The following FANCB variants were observed in gnomAD, a reference collection of about 807,000 sequenced individuals.
FANCB encodes FA complementation group B.
Under a neutral mutation model 38.9 loss-of-function variants are expected in FANCB, and 5 were observed. The ratio of observed to expected loss-of-function variants is 0.13; its 90% CI spans 0.07 to 0.27. The LOEUF is 0.27. FANCB is among the 10% of genes least tolerant of loss of function. The pLI, the probability that FANCB is intolerant of heterozygous loss-of-function variation, is 1.00. For synonymous variants in FANCB, 236 were observed against 215.4 expected (o/e 1.10, Z -0.84); for missense variants, 573 against 602.7 (o/e 0.95, Z 0.52).
At chrX:14,777,472 A>G in the FANCB span, among the ~76,000 whole-genome samples, 961 of 112,470 alleles carry the variant, frequency 8.5e-3, 29 homozygotes, top group Admixed American at 0.077. Context: ...CCAAATAGAT[A>G]AATATTCAGT....
At chrX:14,822,333 G>C in the FANCB span, among the ~76,000 whole-genome samples, 2 of 109,915 alleles carry the variant, frequency 1.8e-5, no homozygotes, top group African/African-American at 6.6e-5. Flanking sequence ...GGGGAAAATG[G>C]AACAGGGCTG....
At chrX:14,855,754 G>C (rs1040818123) in intron 5 of FANCB, among the ~76,000 whole-genome samples, 12 of 111,788 alleles carry the variant, frequency 1.1e-4, no homozygotes, top group Non-Finnish European at 2.1e-4. Flanking sequence ...GATTTATGAG[G>C]GCTAGGATGA....
At chrX:14,871,671 AAAAAT>A (rs781149242) in intron 1 of FANCB, among the ~76,000 whole-genome samples, 2 of 111,054 alleles carry the variant, frequency 1.8e-5, no homozygotes, top group Non-Finnish European at 3.8e-5. Context: ...GTTAAATTTC[AAAAAT>A]AAAATGAATT....
chrX:14,789,653 T>C, the FANCB span, among the ~76,000 whole-genome samples: 1 of 112,006 alleles, frequency 8.9e-6, no homozygotes, highest in African/African-American at 3.2e-5. Flanking sequence ...GGAAATGGCT[T>C]GGATTAAGTC....
chrX:14,715,936 G>T, the FANCB span, among the ~76,000 whole-genome samples: 3 of 111,710 alleles, frequency 2.7e-5, no homozygotes, highest in East Asian at 8.4e-4. Flanking sequence ...GCGTAGCACA[G>T]TGCAAAATTA....
At chrX:14,745,858 A>C in the FANCB span, among the ~76,000 whole-genome samples, 2 of 107,230 alleles carry the variant, frequency 1.9e-5, no homozygotes, top group Admixed American at 1.0e-4. Context: ...CACCACCATG[A>C]CCGGCTAATT....
the FANCB span, among the ~76,000 whole-genome samples, chrX:14,814,648 A>G: frequency 9.8e-5 from 11 of 112,393 alleles, no homozygotes; most frequent in South Asian, 2.2e-3. Context: ...TTAGAATGGC[A>G]ATCATTAAAA....
chrX:14,864,843 A>G lies in FANCB; in HGVS notation c.668T>C (p.Leu223Ser). The change falls in exon 3 of 10, where the codon TTA becomes TCA. Residue 223 changes from leucine to serine, a missense_variant. Physicochemically the swap from Leu to Ser is moderately radical, Grantham distance 145 (BLOSUM62 -2). Coordinates refer to ENST00000650831, the MANE Select transcript of FANCB (RefSeq NM_001018113.3). ...CVYSLESQEVLSDIYIIPPAY... is the reference protein window; with the variant it reads ...CVYSLESQEVSSDIYIIPPAY... ...AGGAGGAATAATGTATATATCACTTAATACTTCTTGACTTTCAAGAGAATA... is the reference window on the plus strand; with the variant it reads ...AGGAGGAATAATGTATATATCACTTGATACTTCTTGACTTTCAAGAGAATA... 8.3e-7 allele frequency: 1 copy of G among 1,209,886 alleles called. No homozygotes were observed.
chrX:14,714,685 A>ATG, the FANCB span, among the ~76,000 whole-genome samples: 1 of 112,375 alleles, frequency 8.9e-6, no homozygotes, highest in Non-Finnish European at 1.9e-5. Flanking sequence ...TTTTAAATGC[A>ATG]TGAGGCTTGT....
chrX:14,848,742 A>G (rs1241093826), intron 7 of FANCB, among the ~76,000 whole-genome samples: 2 of 112,046 alleles, frequency 1.8e-5, no homozygotes, highest in African/African-American at 6.5e-5. Context: ...CTGTACTTCT[A>G]CATACAAATG....
rs1426803945 is a variant in FANCB at position 14,873,003 on chromosome X, A to C, written c.-209T>G. 3.3e-5 allele frequency: 4 copies of C among 121,396 alleles called. No homozygotes were observed. The highest frequency in any genetic ancestry group is 5.1e-5 in the Non-Finnish European group (3 of 58,615). The allele number at this position is 121,396 out of a possible 1,213,427, so 10.0% of individuals were successfully genotyped here. A position where few individuals can be genotyped will look rare whatever the true frequency, so the allele number is the denominator to read the frequency against. ...CATCCTACCTCAACGCAGCGGCAACATACCGGAGGCCCCACGTCGATACGG... is the reference window on the plus strand; with the variant it reads ...CATCCTACCTCAACGCAGCGGCAACCTACCGGAGGCCCCACGTCGATACGG... On this transcript the variant is annotated 5_prime_UTR_variant, in exon 1 of 10. The change abolishes an upstream ATG in the 5' untranslated region. Transcript: ENST00000650831.
At chrX:14,792,708 A>AAG in the FANCB span, among the ~76,000 whole-genome samples, 2 of 111,758 alleles carry the variant, frequency 1.8e-5, no homozygotes, top group Non-Finnish European at 3.8e-5. Context: ...CCTTTTTCTA[A>AAG]CACACTTTCT....
chrX:14,730,459 C>T, the FANCB span: 1 of 1,206,942 alleles, frequency 8.3e-7, no homozygotes, highest in South Asian at 1.8e-5. Flanking sequence ...CAAGATCATT[C>T]GGCATGAAGA....
the FANCB span, among the ~76,000 whole-genome samples, chrX:14,807,227 C>G: frequency 4.5e-5 from 5 of 112,221 alleles, no homozygotes; most frequent in South Asian, 3.6e-4. Context: ...AAGTGTATTT[C>G]CAAAGCCTAA....
chrX:14,799,858 T>C, the FANCB span, among the ~76,000 whole-genome samples: 1 of 112,252 alleles, frequency 8.9e-6, no homozygotes, highest in Non-Finnish European at 1.9e-5. Flanking sequence ...TATTCTAGTG[T>C]TTTTTGGGAA....
chrX:14,827,619 A>T, the FANCB span, among the ~76,000 whole-genome samples: 6 of 112,176 alleles, frequency 5.3e-5, no homozygotes, highest in African/African-American at 1.9e-4. Flanking sequence ...ATCTGAGGGT[A>T]AAGAACGAAG....
the FANCB span, among the ~76,000 whole-genome samples, chrX:14,828,547 G>A: frequency 7.2e-5 from 8 of 111,696 alleles, no homozygotes; most frequent in East Asian, 1.7e-3. Flanking sequence ...ATTCAAGGTT[G>A]ATCATGAGAT....
chrX:14,805,027 G>A, the FANCB span, among the ~76,000 whole-genome samples: 3 of 111,808 alleles, frequency 2.7e-5, no homozygotes, highest in African/African-American at 9.8e-5. Context: ...TACCACCCAA[G>A]CTCCAGTCCT....
At chrX:14,764,699 A>G in the FANCB span, among the ~76,000 whole-genome samples, 359 of 111,323 alleles carry the variant, frequency 3.2e-3, 1 homozygote, top group African/African-American at 0.011. Context: ...GTGGGAGCCA[A>G]CCTCCATGAT....
Sources: allele counts gnomAD v4.1 joint callset (sites outside exome capture counted in the v4.1 genomes callset), GRCh38; gene constraint gnomAD v4.1.1; transcripts MANE v1.5; gene names NCBI Gene and HGNC (gene_info 2026-07-23, HGNC 2026-07-21).